Variants in PCSK2 observed in about 807,000 individuals in gnomAD.
PCSK2 encodes neuroendocrine convertase 2.
PCSK2 carries 14 observed loss-of-function variants against 69.7 expected under a neutral mutation model. The ratio of observed to expected loss-of-function variants is 0.20; its 90% confidence interval spans 0.13 to 0.31. The LOEUF is 0.31. PCSK2 is among the 10% of genes least tolerant of loss of function. The probability of loss-of-function intolerance (pLI) is 1.00; values close to 1 mark genes in which losing one functional copy is unlikely to be tolerated. For synonymous variants in PCSK2, 307 were observed against 320.7 expected (o/e 0.96, Z 0.46); for missense variants, 544 against 842.5 (o/e 0.65, Z 4.39).
chr20:17,289,647 C>A (rs1225087970), intron 2 of PCSK2, among the ~76,000 whole-genome samples: 1 of 152,058 alleles, frequency 6.6e-6, no homozygotes. Flanking sequence ...ATTACCCATA[C>A]CCAAAGCTAA....
chr20:17,236,292 A>T (rs73897854), intron 1 of PCSK2, among the ~76,000 whole-genome samples: 1 of 152,246 alleles, frequency 6.6e-6, no homozygotes, highest in African/African-American at 2.4e-5. Context: ...TACAAAGGAG[A>T]TATTATTTCC....
chr20:17,385,065 C>T (rs191241447), intron 5 of PCSK2, among the ~76,000 whole-genome samples: 10 of 152,310 alleles, frequency 6.6e-5, no homozygotes, highest in East Asian at 5.8e-4. Context: ...TTTATCGGAA[C>T]GCAGCCATGC....
intron 11 of PCSK2, among the ~76,000 whole-genome samples, chr20:17,470,096 AT>A (rs1394784341): frequency 6.6e-6 from 1 of 152,228 alleles, no homozygotes; most frequent in African/African-American, 2.4e-5. Context: ...CCTACTCATC[AT>A]AACTAACTTT....
chr20:17,383,875 T>G (rs1297589289), intron 5 of PCSK2, among the ~76,000 whole-genome samples: 1 of 152,236 alleles, frequency 6.6e-6, no homozygotes, highest in Non-Finnish European at 1.5e-5. Flanking sequence ...CTGGAAACAA[T>G]GCTTATAATT....
In PCSK2 at chr20:17,472,803, G is replaced by A. The variant is rs143438436; in HGVS notation, c.1430+7250G>A. ...GCTGGTGTCGAGCTCCTGACCTCAG[G>A]TGATCCGCCTGCCTTGGCCTCCCAA... On this transcript the variant is annotated intron_variant, in intron 11 of 11. Transcript: ENST00000262545. Among the ~76,000 whole-genome samples, 639 of 152,268 alleles carry A rather than the reference G, an allele frequency of 4.2e-3. 6 individuals are homozygous for A. Among genetic ancestry groups the A allele is most frequent in the African/African-American group, 0.015 (615 of 41,572 alleles).
intron 4 of PCSK2, among the ~76,000 whole-genome samples, chr20:17,365,218 G>T (rs910844762): frequency 6.6e-6 from 1 of 152,080 alleles, no homozygotes; most frequent in Non-Finnish European, 1.5e-5. Flanking sequence ...CCTGTGGAGG[G>T]GACAAACACT....
chr20:17,299,132 G>C (rs892408287), intron 2 of PCSK2, among the ~76,000 whole-genome samples: 2 of 151,830 alleles, frequency 1.3e-5, no homozygotes, highest in Non-Finnish European at 2.9e-5. Flanking sequence ...TGCTAGAAAG[G>C]TCTTGTCTAT....
intron 2 of PCSK2, among the ~76,000 whole-genome samples, chr20:17,264,383 T>C (rs1484264722): frequency 6.6e-6 from 1 of 152,244 alleles, no homozygotes; most frequent in Non-Finnish European, 1.5e-5. Flanking sequence ...CAGAAACTTC[T>C]ATCAGTCCAA....
chr20:17,279,973 CCAAA>C (rs955507856), intron 2 of PCSK2, among the ~76,000 whole-genome samples: 3 of 148,594 alleles, frequency 2.0e-5, no homozygotes, highest in African/African-American at 7.4e-5. Context: ...TGCTAAACAT[CCAAA>C]CAAATGTAGA....
At chr20:17,246,515 C>T (rs1402869744) in intron 1 of PCSK2, among the ~76,000 whole-genome samples, 2 of 152,018 alleles carry the variant, frequency 1.3e-5, no homozygotes, top group Admixed American at 6.6e-5. Flanking sequence ...AAGTCACAAA[C>T]GTAAAAAGGA....
At chr20:17,328,095 T>G (rs1990114488) in intron 2 of PCSK2, among the ~76,000 whole-genome samples, 1 of 152,118 alleles carries the variant, frequency 6.6e-6, no homozygotes. Context: ...GGTAGGAAAA[T>G]GAACAAAGAG....
chr20:17,436,881 A>G lies in PCSK2; in HGVS notation c.883A>G (p.Lys295Glu), dbSNP rs754556871. 1.9e-6 allele frequency: 3 copies of G among 1,605,238 alleles called. No homozygotes were observed. In the Admixed American group the frequency reaches 5.2e-5, roughly 28 times the overall value. The change falls in exon 8 of 12, where the codon AAG becomes GAG. Residue 295 changes from lysine (K) to glutamate (E), a missense_variant and splice_region_variant. Physicochemically the swap from Lys to Glu is moderately conservative, Grantham distance 56 (BLOSUM62 1). Around this residue, in one of 3 missense-constraint regions of PCSK2, gnomAD observed 187 missense variants for 399.8 expected, o/e 0.47. Coordinates refer to ENST00000262545, the MANE Select transcript of PCSK2 (RefSeq NM_002594.5). ...GCAGGCCATGGCCGATGGCGTGAAC[A>G]AGGTAAGGGGGCCGGCCCCCTAGGC... ...TLQAMADGVN[K>E]GRGGKGSIYV... is the part of the protein sequence containing the mutation.
chr20:17,370,026 C>T (rs547474558), intron 5 of PCSK2, among the ~76,000 whole-genome samples: 1 of 152,328 alleles, frequency 6.6e-6, no homozygotes, highest in South Asian at 2.1e-4. Context: ...CACACTCTAA[C>T]TTTTGACTCA....
At chr20:17,426,875 C>A (rs2032259064) in intron 6 of PCSK2, among the ~76,000 whole-genome samples, 1 of 152,204 alleles carries the variant, frequency 6.6e-6, no homozygotes, top group East Asian at 1.9e-4. Context: ...ATCCAAAATA[C>A]CCTTGCAGCA....
intron 8 of PCSK2, among the ~76,000 whole-genome samples, chr20:17,449,391 A>G (rs112169383): frequency 1.1e-4 from 17 of 152,078 alleles, no homozygotes; most frequent in African/African-American, 4.1e-4. Flanking sequence ...TTTAACACCT[A>G]TTCCCTGGAT....
chr20:17,253,881 G>A (rs1485439038), intron 1 of PCSK2, among the ~76,000 whole-genome samples: 1 of 152,114 alleles, frequency 6.6e-6, no homozygotes, highest in Admixed American at 6.5e-5. Context: ...GCTGGTTTGG[G>A]TGCAGTTGGG....
chr20:17,300,701 AT>A (rs1989051978), intron 2 of PCSK2, among the ~76,000 whole-genome samples: 2 of 152,160 alleles, frequency 1.3e-5, no homozygotes, highest in South Asian at 4.1e-4. Context: ...TCATTTTCAT[AT>A]TTTTTAGTTA....
chr20:17,457,328 A>C (rs2032940269), intron 10 of PCSK2, among the ~76,000 whole-genome samples: 1 of 152,190 alleles, frequency 6.6e-6, no homozygotes, highest in Non-Finnish European at 1.5e-5. Flanking sequence ...ATCAATCTCT[A>C]GGCAGCCCTG....
chr20:17,455,412 A>G (rs1014453528), intron 9 of PCSK2, among the ~76,000 whole-genome samples: 1 of 152,202 alleles, frequency 6.6e-6, no homozygotes, highest in African/African-American at 2.4e-5. Flanking sequence ...TCCTTTAAAA[A>G]TCTGTTTACC....
Sources: gnomAD v4.1 joint callset for allele counts (sites outside exome capture counted in the v4.1 genomes callset) on GRCh38, gnomAD v4.1.1 for gene constraint, gnomAD v4.1.1 regional missense constraint, MANE v1.5 for transcripts, NCBI Gene and HGNC (gene_info 2026-07-23, HGNC 2026-07-21) for gene names.